Variants in FAM185A observed in about 807,000 individuals in gnomAD.
FAM185A encodes protein FAM185A.
FAM185A carries 21 observed loss-of-function variants against 45.7 expected under a neutral mutation model. That is an observed-to-expected ratio of 0.46 (90% confidence interval 0.33 to 0.66). The LOEUF is 0.66. FAM185A is among the 30% of genes least tolerant of loss of function. The pLI, the probability that FAM185A is intolerant of heterozygous loss-of-function variation, is 0.03. For synonymous variants in FAM185A, 117 were observed against 194.0 expected (o/e 0.60, Z 3.30); for missense variants, 305 against 485.4 (o/e 0.63, Z 3.49).
At chr7:102,838,925 AC>A in the FAM185A span, among the ~76,000 whole-genome samples, 2 of 152,184 alleles carry the variant, frequency 1.3e-5, no homozygotes, top group African/African-American at 4.8e-5. Flanking sequence ...CCAGCCCGAC[AC>A]CCGTGAAGGG....
At chr7:102,814,796 A>T in the FAM185A span, among the ~76,000 whole-genome samples, 653 of 152,312 alleles carry the variant, frequency 4.3e-3, 6 homozygotes, top group African/African-American at 0.015. Flanking sequence ...GTCAAAGATA[A>T]TGTTTTGCAT....
the FAM185A span, chr7:102,822,235 T>C: frequency 6.2e-7 from 1 of 1,605,546 alleles, no homozygotes; most frequent in Non-Finnish European, 8.5e-7. Flanking sequence ...GTACTGGTTA[T>C]TCAAACACTA....
chr7:102,769,900 A>C (rs1026883672), intron 4 of FAM185A, among the ~76,000 whole-genome samples: 3 of 151,868 alleles, frequency 2.0e-5, no homozygotes, highest in Admixed American at 1.3e-4. Flanking sequence ...CCATTGATTC[A>C]TGAATGGGTT....
intron 7 of FAM185A, among the ~76,000 whole-genome samples, chr7:102,788,025 C>T (rs372946891): frequency 2.0e-5 from 3 of 152,070 alleles, no homozygotes; most frequent in East Asian, 1.9e-4. Flanking sequence ...AGTGCAGTGG[C>T]GTGATCTTGG....
At chr7:102,762,367 T>A (rs2129434257) in intron 4 of FAM185A, among the ~76,000 whole-genome samples, 1 of 152,364 alleles carries the variant, frequency 6.6e-6, no homozygotes, top group East Asian at 1.9e-4. Flanking sequence ...GCTTCTTGAA[T>A]TTCCACAGAG....
intron 2 of FAM185A, chr7:102,755,952 G>T (rs1238215987): frequency 1.8e-6 from 1 of 541,606 alleles, no homozygotes; most frequent in Non-Finnish European, 3.3e-6. Flanking sequence ...GTACACTGTT[G>T]TGTTTTCTGT....
At chr7:102,803,053 C>G (rs1796888511) in intron 7 of FAM185A, among the ~76,000 whole-genome samples, 1 of 151,720 alleles carries the variant, frequency 6.6e-6, no homozygotes, top group Non-Finnish European at 1.5e-5. Flanking sequence ...AATTACCAAC[C>G]AAAAAAGTCC....
chr7:102,829,325 C>T, the FAM185A span, among the ~76,000 whole-genome samples: 1 of 152,320 alleles, frequency 6.6e-6, no homozygotes, highest in East Asian at 1.9e-4. Context: ...CAGACTCAGA[C>T]AAGTTGGTAA....
At chr7:102,822,315 C>T in the FAM185A span, 16 of 989,090 alleles carry the variant, frequency 1.6e-5, no homozygotes, top group Non-Finnish European at 2.4e-5. Context: ...GTGGCTTAAA[C>T]ATCAAACATT....
intron 4 of FAM185A, among the ~76,000 whole-genome samples, chr7:102,766,774 TG>T (rs1472213465): frequency 6.7e-6 from 1 of 148,722 alleles, no homozygotes; most frequent in South Asian, 2.1e-4. Flanking sequence ...CATACAACTT[TG>T]TTTTTTTTGT....
chr7:102,835,673 A>T, the FAM185A span, among the ~76,000 whole-genome samples: 1 of 110,406 alleles, frequency 9.1e-6, no homozygotes, highest in African/African-American at 4.5e-5. Context: ...GCAGTGGCGC[A>T]ATCTCGGCTC....
At chr7:102,804,078 G>C (rs976731316) in intron 7 of FAM185A, among the ~76,000 whole-genome samples, 17 of 152,280 alleles carry the variant, frequency 1.1e-4, no homozygotes, top group Admixed American at 7.8e-4. Flanking sequence ...TGGATGGGTA[G>C]AATCAATATT....
chr7:102,800,209 T>C (rs531995597), intron 7 of FAM185A, among the ~76,000 whole-genome samples: 1 of 152,204 alleles, frequency 6.6e-6, no homozygotes, highest in Admixed American at 6.5e-5. Flanking sequence ...GGGATGGTAT[T>C]ACATCAAGAG....
At chr7:102,751,832 T>C (rs1451974190) in intron 2 of FAM185A, 31 bp downstream of exon 2, 3 of 1,404,744 alleles carry the variant, frequency 2.1e-6, no homozygotes, top group Admixed American at 2.6e-5. Context: ...TATTTCACTA[T>C]TATTTTTTTA....
intron 6 of FAM185A, among the ~76,000 whole-genome samples, chr7:102,787,127 A>G (rs1307404467): frequency 3.3e-5 from 5 of 152,158 alleles, no homozygotes; most frequent in African/African-American, 7.2e-5. Context: ...CTAATAACCC[A>G]TATTCTTTAC....
chr7:102,836,849 C>T, the FAM185A span, among the ~76,000 whole-genome samples: 7 of 152,224 alleles, frequency 4.6e-5, no homozygotes, highest in African/African-American at 1.7e-4. Flanking sequence ...TGACAGGTGG[C>T]AGCTTCTAGC....
intron 7 of FAM185A, among the ~76,000 whole-genome samples, chr7:102,794,371 T>C (rs564015514): frequency 1.4e-4 from 21 of 152,306 alleles, no homozygotes; most frequent in South Asian, 1.2e-3. Flanking sequence ...AGTGCAACCA[T>C]AGAAGATATA....
At chr7:102,750,231 T>A (rs1793279163) in intron 1 of FAM185A, among the ~76,000 whole-genome samples, 2 of 152,228 alleles carry the variant, frequency 1.3e-5, no homozygotes, top group Admixed American at 6.5e-5. Context: ...TCAATAATAA[T>A]GCCTGCAAGA....
the FAM185A span, among the ~76,000 whole-genome samples, chr7:102,824,133 T>C: frequency 2.0e-5 from 3 of 152,192 alleles, no homozygotes; most frequent in Non-Finnish European, 4.4e-5. Context: ...GTGATGTTGT[T>C]GGGATTTATG....
Sources: allele counts gnomAD v4.1 joint callset (sites outside exome capture counted in the v4.1 genomes callset), GRCh38; gene constraint gnomAD v4.1.1; transcripts MANE v1.5; gene names NCBI Gene and HGNC (gene_info 2026-07-23, HGNC 2026-07-21).